Variants in TMEM230 observed in about 807,000 individuals in gnomAD.
TMEM230 encodes transmembrane protein 230, also known as UPF0414 transmembrane protein C20orf30.
A neutral mutation model predicts 15.8 loss-of-function variants in TMEM230; 10 were observed. The observed-to-expected ratio is 0.63, with a 90% CI of 0.39 to 1.07. TMEM230 has a LOEUF of 1.07. TMEM230 is among the 50% of genes least tolerant of loss of function. TMEM230 has a pLI of 0.01. For missense variants in TMEM230, 165 were observed against 193.3 expected (o/e 0.85, Z 0.87); for synonymous variants, 67 against 76.9 (o/e 0.87, Z 0.68).
chr20:5,112,697 AC>A, intron 1 of TMEM230: 1 of 1,417,010 alleles, frequency 7.1e-7, no homozygotes, highest in Non-Finnish European at 9.2e-7. Context: ...AACGTTTGGC[AC>A]ACAGTGCCTG....
At chr20:5,096,742 C>A (rs969084981), downstream of TMEM230, among the ~76,000 whole-genome samples, 1 of 152,162 alleles carries the variant, frequency 6.6e-6, no homozygotes, top group Non-Finnish European at 1.5e-5. Flanking sequence ...AGGAGTCTGA[C>A]GTAAATGTAG....
intron 3 of TMEM230, among the ~76,000 whole-genome samples, chr20:5,082,518 T>G (rs1238261077): frequency 2.0e-5 from 3 of 152,208 alleles, no homozygotes; most frequent in Admixed American, 6.5e-5. Context: ...CTAGGCTCAC[T>G]GCAACCTCAA....
intron 4 of TMEM230, 66 bp downstream of exon 3, chr20:5,106,122 C>G: frequency 6.4e-7 from 1 of 1,552,632 alleles, no homozygotes; most frequent in Non-Finnish European, 8.7e-7. Context: ...CACACACACG[C>G]ACACTAGAGC....
rs1342831452 is a variant in TMEM230, at chr20:5,084,396, G to C, written c.223-15047C>G. On this transcript the variant is annotated intron_variant, in intron 3 of 3. Transcript: ENST00000612323. ...ACGCCACCACGCCTGGCTAATTTTTGTATTTTTAGTAGAGACGGGGTTTCA... is the reference window on the plus strand; with the variant it reads ...ACGCCACCACGCCTGGCTAATTTTTCTATTTTTAGTAGAGACGGGGTTTCA... Among the ~76,000 whole-genome samples the C allele has an allele frequency of 2.0e-5, 3 of 151,846 alleles. No homozygotes were observed. The South Asian group carries it at 6.2e-4, about 32-fold the overall frequency.
rs1048372559 is a variant in TMEM230, at chr20:5,100,325, T to C, written c.*466A>G. 1.0e-6 allele frequency: 1 copy of C among 985,426 alleles called. No individual in the cohort carries two copies. The highest frequency in any genetic ancestry group is 1.2e-6 in the Non-Finnish European group (1 of 830,058). The allele number at this position is 985,426 out of a possible 1,614,324, so 61.0% of individuals were successfully genotyped here. A position where few individuals can be genotyped will look rare whatever the true frequency, so the allele number is the denominator to read the frequency against. ...ACAGATGAACTCACTGATCTTTGAT[T>C]TTACTAAGGTCTTCCACTGGAACAT... On this transcript the variant is annotated 3_prime_UTR_variant, in exon 5 of 5. Coordinates refer to ENST00000342308, the MANE Select transcript of TMEM230 (RefSeq NM_001009923.2).
At chr20:5,094,247 G>A (rs2089598603) in intron 3 of TMEM230, among the ~76,000 whole-genome samples, 2 of 149,794 alleles carry the variant, frequency 1.3e-5, no homozygotes, top group African/African-American at 2.5e-5. Context: ...GTGAGCCACC[G>A]TACCTGGCCT....
At chr20:5,079,990 G>A (rs1245624953) in intron 3 of TMEM230, among the ~76,000 whole-genome samples, 3 of 152,170 alleles carry the variant, frequency 2.0e-5, no homozygotes, top group African/African-American at 7.2e-5. Context: ...ACATCTTACT[G>A]AGATACTTAA....
At chr20:5,085,911 T>C (rs1431140828) in intron 3 of TMEM230, among the ~76,000 whole-genome samples, 2 of 152,134 alleles carry the variant, frequency 1.3e-5, no homozygotes, top group Admixed American at 6.6e-5. Context: ...AAGCAGGTGG[T>C]TGTCAGGCCA....
At chr20:5,110,142 C>T (rs969849649) in intron 2 of TMEM230, among the ~76,000 whole-genome samples, 3 of 152,092 alleles carry the variant, frequency 2.0e-5, no homozygotes, top group Non-Finnish European at 4.4e-5. Context: ...CTACAACCAC[C>T]GCCTCCCAGG....
intron 3 of TMEM230, among the ~76,000 whole-genome samples, chr20:5,080,964 G>T (rs939375764): frequency 6.6e-6 from 1 of 152,190 alleles, no homozygotes; most frequent in Non-Finnish European, 1.5e-5. Context: ...GTTAAGTACA[G>T]ATATTGAGAA....
intron 3 of TMEM230, among the ~76,000 whole-genome samples, chr20:5,092,340 TC>T (rs2089533754): frequency 6.6e-6 from 1 of 152,132 alleles, no homozygotes; most frequent in Admixed American, 6.6e-5. Context: ...GTGGTTTCAC[TC>T]CCCATTAAAT....
intron 3 of TMEM230, among the ~76,000 whole-genome samples, chr20:5,083,509 AC>A (rs1275976231): frequency 6.6e-6 from 1 of 152,026 alleles, no homozygotes; most frequent in African/African-American, 2.4e-5. Flanking sequence ...TTCTCCTTCA[AC>A]CTATTAGGGC....
At chr20:5,071,157 C>A (rs2088810224) in intron 3 of TMEM230, among the ~76,000 whole-genome samples, 1 of 152,098 alleles carries the variant, frequency 6.6e-6, no homozygotes, top group African/African-American at 2.4e-5. Flanking sequence ...AGTGCGGATA[C>A]CTTTGATTCT....
intron 3 of TMEM230, among the ~76,000 whole-genome samples, chr20:5,084,959 T>G (rs1387315772): frequency 1.3e-5 from 2 of 152,260 alleles, no homozygotes; most frequent in Non-Finnish European, 1.5e-5. Flanking sequence ...AATTTTCTAT[T>G]TCTTCCTGAG....
At chr20:5,085,549 A>G (rs1357974835) in intron 3 of TMEM230, among the ~76,000 whole-genome samples, 1 of 152,140 alleles carries the variant, frequency 6.6e-6, no homozygotes, top group Non-Finnish European at 1.5e-5. Context: ...TCGGCCTCCC[A>G]AAGTGCTGAG....
downstream of TMEM230, among the ~76,000 whole-genome samples, chr20:5,096,272 C>T (rs935126307): frequency 5.3e-5 from 8 of 152,210 alleles, no homozygotes; most frequent in African/African-American, 1.9e-4. Flanking sequence ...CAAACAGCAG[C>T]TTACTTTGTG....
rs1400105089 is a variant in TMEM230, at chr20:5,077,653, G to A, written c.223-8304C>T. Among the ~76,000 whole-genome samples, 7 of 152,044 alleles carry A rather than the reference G, an allele frequency of 4.6e-5. No homozygotes were observed. In the East Asian group the frequency reaches 5.8e-4, roughly 13 times the overall value. On this transcript the variant is annotated intron_variant, in intron 3 of 3. Transcript: ENST00000612323. ...GTTCAAGACCAGCTTGACCAATATG[G>A]TGAAACTCCATCTCTACTGAAAATA...
In TMEM230 at chr20:5,112,586, A is replaced by C. The variant is rs191661388; in HGVS notation, c.68+375T>G. On this transcript the variant is annotated intron_variant, in intron 1 of 4. Transcript: ENST00000342308. Reference sequence around the variant, plus strand: ...GGGAAAAATAAAAACGAGCATTTTCAAAGTATCAGTCTTCGTTGCCAACAG... The same window carrying C: ...GGGAAAAATAAAAACGAGCATTTTCCAAGTATCAGTCTTCGTTGCCAACAG... 154 of 757,148 alleles carry C rather than the reference A, an allele frequency of 2.0e-4. No individual in the cohort carries two copies. In the African/African-American group the frequency reaches 2.4e-3, roughly 12 times the overall value. The allele number at this position is 757,148 out of a possible 1,614,324, so 46.9% of individuals were successfully genotyped here.
At chr20:5,079,760 T>C (rs1332249982) in intron 3 of TMEM230, among the ~76,000 whole-genome samples, 2 of 152,180 alleles carry the variant, frequency 1.3e-5, no homozygotes, top group African/African-American at 2.4e-5. Flanking sequence ...TTTCTCTCTC[T>C]CCTTTCTTTT....
Sources: gnomAD v4.1 joint callset for allele counts (sites outside exome capture counted in the v4.1 genomes callset) on GRCh38, gnomAD v4.1.1 for gene constraint, MANE v1.5 for transcripts, NCBI Gene and HGNC (gene_info 2026-07-23, HGNC 2026-07-21) for gene names.